Variants in CCDC178 observed in about 807,000 individuals in gnomAD.
The protein encoded by CCDC178 is coiled-coil domain-containing protein 178.
CCDC178 carries 126 observed loss-of-function variants against 117.4 expected under a neutral mutation model. That is an observed-to-expected ratio of 1.07 (90% confidence interval 0.93 to 1.24). The LOEUF is 1.24. Ranked by LOEUF, CCDC178 falls within the 50% of genes most tolerant of loss-of-function variation. CCDC178 has a pLI of 0.00. For synonymous variants in CCDC178, 283 were observed against 313.4 expected (o/e 0.90, Z 1.02); for missense variants, 1,030 against 986.9 (o/e 1.04, Z -0.59).
At position 33,225,899 on chromosome 18, in the gene CCDC178, C is replaced by T. The variant is rs182186811; in HGVS notation, c.1656+894G>A. Among the ~76,000 whole-genome samples, 87 of 152,186 alleles carry T rather than the reference C, an allele frequency of 5.7e-4. 1 individual carries two copies. The highest frequency in any genetic ancestry group is 1.0e-3 in the Non-Finnish European group (70 of 68,008). On this transcript the variant is annotated intron_variant, in intron 16 of 22. Transcript: ENST00000383096. ...TGTTAGGGCCGGGCGTGGTGGCTCA[C>T]GCCTGTAATCCCAGCACTTTGGGAG...
chr18:33,337,616 A>C (rs1187396989), intron 9 of CCDC178, among the ~76,000 whole-genome samples: 1 of 152,160 alleles, frequency 6.6e-6, no homozygotes, highest in Non-Finnish European at 1.5e-5. Flanking sequence ...AAATACAGCT[A>C]ACTGATCTTC....
At chr18:33,097,974 T>G (rs1467783897) in intron 20 of CCDC178, among the ~76,000 whole-genome samples, 1 of 152,228 alleles carries the variant, frequency 6.6e-6, no homozygotes, top group East Asian at 1.9e-4. Context: ...ACCAAATGCA[T>G]GGACCTTCAA....
At chr18:33,039,907 C>G (rs2056516021) in intron 21 of CCDC178, among the ~76,000 whole-genome samples, 2 of 151,704 alleles carry the variant, frequency 1.3e-5, no homozygotes, top group African/African-American at 4.8e-5. Flanking sequence ...CTATTCATCC[C>G]ACAGGATCGA....
intron 20 of CCDC178, among the ~76,000 whole-genome samples, chr18:33,094,387 T>C (rs1354497113): frequency 6.6e-6 from 1 of 152,040 alleles, no homozygotes; most frequent in African/African-American, 2.4e-5. Flanking sequence ...ATTTTGACAT[T>C]AATATTAAAA....
chr18:33,156,324 G>C (rs1568022971), intron 20 of CCDC178, among the ~76,000 whole-genome samples: 1 of 151,300 alleles, frequency 6.6e-6, no homozygotes. Context: ...TCCTGACCTT[G>C]TGATCCGCCC....
At chr18:33,385,009 G>C (rs140420140) in intron 5 of CCDC178, among the ~76,000 whole-genome samples, 11 of 152,324 alleles carry the variant, frequency 7.2e-5, no homozygotes, top group Non-Finnish European at 4.4e-5. Flanking sequence ...GAAACAAAGG[G>C]AAGGAGGAAA....
At chr18:33,416,190 G>A (rs2063937880) in intron 2 of CCDC178, among the ~76,000 whole-genome samples, 1 of 152,214 alleles carries the variant, frequency 6.6e-6, no homozygotes, top group South Asian at 2.1e-4. Context: ...CACTTTGGGA[G>A]GCCGAGGCGG....
chr18:32,958,193 T>C, intron 22 of CCDC178: 1 of 583,156 alleles, frequency 1.7e-6, no homozygotes, highest in Non-Finnish European at 3.1e-6. Context: ...TTAAAAGCAA[T>C]TTTATTCTTT....
chr18:33,386,530 C>T (rs544363891), intron 5 of CCDC178, among the ~76,000 whole-genome samples: 4 of 152,284 alleles, frequency 2.6e-5, no homozygotes, highest in Admixed American at 2.6e-4. Context: ...CCACCATGAT[C>T]AAGTCACCTT....
chr18:33,322,647 A>G (rs964560060), intron 11 of CCDC178, among the ~76,000 whole-genome samples: 1 of 151,758 alleles, frequency 6.6e-6, no homozygotes, highest in Non-Finnish European at 1.5e-5. Context: ...AATCATGATA[A>G]AAATTAGAAA....
chr18:33,407,499 A>G (rs2063796892), intron 3 of CCDC178, among the ~76,000 whole-genome samples: 1 of 152,160 alleles, frequency 6.6e-6, no homozygotes, highest in Non-Finnish European at 1.5e-5. Flanking sequence ...AAGTTTTGAT[A>G]TTAGCAATTT....
intron 21 of CCDC178, among the ~76,000 whole-genome samples, chr18:33,038,795 T>A (rs950802062): frequency 6.6e-6 from 1 of 151,930 alleles, no homozygotes; most frequent in East Asian, 1.9e-4. Flanking sequence ...GTAGACGAAG[T>A]GACAATAGGA....
chr18:33,207,557 A>G (rs1338933522), intron 20 of CCDC178, among the ~76,000 whole-genome samples: 1 of 151,120 alleles, frequency 6.6e-6, no homozygotes, highest in African/African-American at 2.4e-5. Context: ...TGAGAAAATC[A>G]TAATATCTAA....
chr18:33,437,802 T>A (rs1348010925), intron 2 of CCDC178: 4 of 152,104 alleles, frequency 2.6e-5, no homozygotes, highest in African/African-American at 9.7e-5. Flanking sequence ...AAAATAACAA[T>A]ACTTCGCAGT....
intron 21 of CCDC178, among the ~76,000 whole-genome samples, chr18:32,977,269 G>T (rs1275785763): frequency 6.6e-6 from 1 of 152,044 alleles, no homozygotes; most frequent in East Asian, 1.9e-4. Flanking sequence ...AAAGTTCAAT[G>T]GCTTTTCTCT....
At chr18:33,079,171 T>C (rs1282981716) in intron 21 of CCDC178, among the ~76,000 whole-genome samples, 1 of 152,092 alleles carries the variant, frequency 6.6e-6, no homozygotes, top group East Asian at 1.9e-4. Context: ...AAACATGCAA[T>C]GCAGAAAGGA....
chr18:33,215,045 T>C (rs271556), intron 19 of CCDC178, among the ~76,000 whole-genome samples: 24,432 of 151,878 alleles, frequency 0.16, 2,741 homozygotes, highest in African/African-American at 0.32. Flanking sequence ...CCTGAGAGCA[T>C]GATCATTCTC....
chr18:33,207,836 C>T (rs1218170589), intron 20 of CCDC178, among the ~76,000 whole-genome samples: 1 of 151,912 alleles, frequency 6.6e-6, no homozygotes, highest in African/African-American at 2.4e-5. Context: ...AGAGAAGCTT[C>T]TTCCTTGTTT....
At chr18:33,084,683 GC>G (rs1291134397) in intron 21 of CCDC178, among the ~76,000 whole-genome samples, 1 of 151,424 alleles carries the variant, frequency 6.6e-6, no homozygotes, top group Non-Finnish European at 1.5e-5. Flanking sequence ...GGGGTGGTGT[GC>G]ACCTGTAATC....
Sources: gnomAD v4.1 joint callset for allele counts (sites outside exome capture counted in the v4.1 genomes callset) on GRCh38, gnomAD v4.1.1 for gene constraint, MANE v1.5 for transcripts, NCBI Gene and HGNC (gene_info 2026-07-23, HGNC 2026-07-21) for gene names.